The following JPH2 variants were observed in gnomAD, a reference collection of about 807,000 sequenced individuals.
JPH2 encodes the protein junctophilin 2, also known as junctophilin-2.
In JPH2, 38 loss-of-function variants were observed where a neutral mutation model predicts 55.9. That is an observed-to-expected ratio of 0.68 (90% confidence interval 0.52 to 0.89). JPH2 has a LOEUF of 0.89. JPH2 is among the 40% of genes least tolerant of loss of function. The pLI, the probability that JPH2 is intolerant of heterozygous loss-of-function variation, is 0.00. For missense variants in JPH2, 964 were observed against 1,037.6 expected (o/e 0.93, Z 0.97); for synonymous variants, 480 against 472.4 (o/e 1.02, Z -0.21).
chr20:44,185,260 T>G (rs560879942), intron 1 of JPH2, among the ~76,000 whole-genome samples: 11 of 152,296 alleles, frequency 7.2e-5, no homozygotes, highest in African/African-American at 2.4e-4. Context: ...TGAGCTGTGA[T>G]TGTGCCACCG....
At chr20:44,171,004 C>A (rs770353508) in intron 1 of JPH2, among the ~76,000 whole-genome samples, 1 of 152,228 alleles carries the variant, frequency 6.6e-6, no homozygotes, top group Non-Finnish European at 1.5e-5. Flanking sequence ...CCCTGCCCCC[C>A]ACTTCAGTTG....
intron 1 of JPH2, among the ~76,000 whole-genome samples, chr20:44,164,664 G>A (rs1040189694): frequency 6.7e-6 from 1 of 149,038 alleles, no homozygotes; most frequent in African/African-American, 2.5e-5. Context: ...TTACATGAAA[G>A]CCTCAAAAAA....
rs2145833838 is a variant in JPH2, at chr20:44,110,468, A to T, written c.*3050T>A. ...CAGATGGAGTCTTGCTCTGTCACCCAGGCTGGAGTGCAGTGGCTTGATCTT... is the reference window on the plus strand; with the variant it reads ...CAGATGGAGTCTTGCTCTGTCACCCTGGCTGGAGTGCAGTGGCTTGATCTT... On this transcript the variant is annotated 3_prime_UTR_variant, in exon 6 of 6. Coordinates refer to ENST00000372980, the MANE Select transcript of JPH2 (RefSeq NM_020433.5). Among the ~76,000 whole-genome samples, 1 of 151,390 alleles carries T rather than the reference A, an allele frequency of 6.6e-6. No individual in the cohort carries two copies. Among genetic ancestry groups the T allele is most frequent in the African/African-American group, 2.4e-5 (1 of 41,208 alleles).
In JPH2 at chr20:44,108,733, G is replaced by A. The variant is rs1241507169; in HGVS notation, c.*4785C>T. On this transcript the variant is annotated 3_prime_UTR_variant, in exon 6 of 6. Coordinates refer to ENST00000372980, the MANE Select transcript of JPH2 (RefSeq NM_020433.5). ...TGGTGAATGTTCTGACACATGAGGT[G>A]CCCTGGCATCTGTTGCCGTACATGA... is the stretch of plus-strand genomic sequence containing the variant. Among the ~76,000 whole-genome samples, 1 of 152,040 alleles carries A rather than the reference G, an allele frequency of 6.6e-6. No individual in the cohort carries two copies. Among genetic ancestry groups the A allele is most frequent in the Non-Finnish European group, 1.5e-5 (1 of 68,014 alleles).
chr20:44,162,771 TATATATATATATATATAC>T (rs1419168019), intron 1 of JPH2, among the ~76,000 whole-genome samples: 53 of 79,580 alleles, frequency 6.7e-4, no homozygotes, highest in African/African-American at 2.5e-3. Context: ...TATATATATA[TATATATATATATATATAC>T]ACACACACAC....
At position 44,134,156 on chromosome 20, in the gene JPH2, AATAT is replaced by A. The variant is rs1465187422; in HGVS notation, c.1170-15537_1170-15534del. Among the ~76,000 whole-genome samples, 2 of 13,120 alleles carry A rather than the reference AATAT, an allele frequency of 1.5e-4. 1 individual carries two copies. Among genetic ancestry groups the A allele is most frequent in the African/African-American group, 3.9e-4 (2 of 5,164 alleles). The allele number at this position is 13,120 out of a possible 152,430, so 8.6% of individuals were successfully genotyped here. Reference sequence around the variant, plus strand: ...AATATATAAATAAATATTTATTATAAATATATAAATATTTATTATAAATATATAA... The same window carrying A: ...AATATATAAATAAATATTTATTATAAATAAATATTTATTATAAATATATAA... On this transcript the variant is annotated intron_variant, in intron 2 of 5. Transcript: ENST00000372980.
At chr20:44,124,589 G>A (rs1242776899) in intron 2 of JPH2, among the ~76,000 whole-genome samples, 1 of 151,758 alleles carries the variant, frequency 6.6e-6, no homozygotes, top group East Asian at 1.9e-4. Context: ...TGAGGCAGGA[G>A]GATCACTTGA....
At chr20:44,124,975 G>A (rs916583673) in intron 2 of JPH2, among the ~76,000 whole-genome samples, 1 of 124,480 alleles carries the variant, frequency 8.0e-6, no homozygotes, top group Non-Finnish European at 1.8e-5. Context: ...TGGGCACGGT[G>A]GTGCGCACCT....
At chr20:44,126,178 GGAA>G (rs2072275329) in intron 2 of JPH2, among the ~76,000 whole-genome samples, 1 of 118,804 alleles carries the variant, frequency 8.4e-6, no homozygotes, top group African/African-American at 3.2e-5. Context: ...GAGGAAGGAA[GGAA>G]GGAAGGAAGG....
Position 44,160,865 on chromosome 20 carries a change from C to T in JPH2, c.380-458G>A, listed in dbSNP as rs1214756891. ...TGGGAAGGTGGAGGCGGATGGATCG[C>T]TTGAGCTCAGGAGTTCAAGACCAAC... On this transcript the variant is annotated intron_variant, in intron 1 of 5. Transcript: ENST00000372980. The surrounding 1 kb of genome is among the most constrained non-coding windows in gnomAD (Gnocchi z 4.9). Among the ~76,000 whole-genome samples, 1 of 152,156 alleles carries T rather than the reference C, an allele frequency of 6.6e-6. No individual in the cohort carries two copies. Among genetic ancestry groups the T allele is most frequent in the Non-Finnish European group, 1.5e-5 (1 of 68,032 alleles).
At chr20:44,167,674 A>G (rs2072667077) in intron 1 of JPH2, among the ~76,000 whole-genome samples, 1 of 152,232 alleles carries the variant, frequency 6.6e-6, no homozygotes, top group South Asian at 2.1e-4. Context: ...TGAGTATAGA[A>G]TAACAGGGAT....
intron 1 of JPH2, among the ~76,000 whole-genome samples, chr20:44,169,472 C>T (rs1462669796): frequency 1.3e-5 from 2 of 152,200 alleles, no homozygotes; most frequent in African/African-American, 4.8e-5. Flanking sequence ...GCCACCACGC[C>T]TGGCCCTCAG....
At chr20:44,126,168 G>GGAAGGA (rs1555854537) in intron 2 of JPH2, among the ~76,000 whole-genome samples, 28 of 36,332 alleles carry the variant, frequency 7.7e-4, no homozygotes, top group Admixed American at 4.1e-3. Context: ...GGGAGGGAGG[G>GGAAGGA]AGGAAGGAAG....
At chr20:44,142,869 A>G (rs2072467670) in intron 2 of JPH2, among the ~76,000 whole-genome samples, 1 of 152,122 alleles carries the variant, frequency 6.6e-6, no homozygotes, top group African/African-American at 2.4e-5. Context: ...TTCCCATTAC[A>G]GTGTGTTTAA....
intron 2 of JPH2, among the ~76,000 whole-genome samples, chr20:44,138,311 G>A (rs78888970): frequency 8.7e-5 from 13 of 150,202 alleles, no homozygotes; most frequent in East Asian, 7.9e-4. Context: ...GATTACAGGC[G>A]TGAGCTTTAA....
intron 2 of JPH2, among the ~76,000 whole-genome samples, chr20:44,148,469 C>T (rs2072507800): frequency 6.6e-6 from 1 of 152,160 alleles, no homozygotes; most frequent in Non-Finnish European, 1.5e-5. Context: ...ATGGCCTTCC[C>T]CTAACAGATG....
Position 44,131,550 on chromosome 20 carries a change from A to C in JPH2, c.1170-12927T>G, listed in dbSNP as rs1013285870. Among the ~76,000 whole-genome samples, 6 of 152,350 alleles carry C rather than the reference A, an allele frequency of 3.9e-5. 1 individual carries two copies. Among genetic ancestry groups the C allele is most frequent in the Admixed American group, 2.0e-4 (3 of 15,306 alleles). On this transcript the variant is annotated intron_variant, in intron 2 of 5. Coordinates refer to ENST00000372980, the MANE Select transcript of JPH2 (RefSeq NM_020433.5). ...GGGATAATAATAGTGCCTACATCAT[A>C]GGGTAATGAAAATTAAATGAGTTAA... is the stretch of plus-strand genomic sequence containing the variant.
At chr20:44,164,552 G>A (rs1050432337) in intron 1 of JPH2, among the ~76,000 whole-genome samples, 3 of 152,214 alleles carry the variant, frequency 2.0e-5, no homozygotes, top group Non-Finnish European at 4.4e-5. Context: ...TGCTAGAAAA[G>A]TGCAAGAAAA....
chr20:44,167,604 T>C (rs143770208), intron 1 of JPH2, among the ~76,000 whole-genome samples: 28 of 152,292 alleles, frequency 1.8e-4, no homozygotes, highest in African/African-American at 5.8e-4. Context: ...GTCCCCCCGA[T>C]AGGACTCCCG....
Sources: gnomAD v4.1 joint callset for allele counts (sites outside exome capture counted in the v4.1 genomes callset) on GRCh38, gnomAD v4.1.1 for gene constraint, Gnocchi (gnomAD v3.1) non-coding constraint, MANE v1.5 for transcripts, NCBI Gene and HGNC (gene_info 2026-07-23, HGNC 2026-07-21) for gene names.